The following CDH13 variants were observed in gnomAD, a reference collection of about 807,000 sequenced individuals.
CDH13 encodes the protein cadherin 13.
CDH13 carries 24 observed loss-of-function variants against 63.8 expected under a neutral mutation model. The ratio of observed to expected loss-of-function variants is 0.38; its 90% CI spans 0.27 to 0.53. CDH13 has a LOEUF of 0.53. Ranked by LOEUF, CDH13 falls within the 20% of genes least tolerant of loss-of-function variation. CDH13 has a pLI of 0.85. For missense variants in CDH13, 1,049 were observed against 903.1 expected (o/e 1.16, Z -2.07); for synonymous variants, 503 against 355.3 (o/e 1.42, Z -4.67).
intron 1 of CDH13, among the ~76,000 whole-genome samples, chr16:82,692,974 G>T (rs1171520177): frequency 6.6e-6 from 1 of 152,156 alleles, no homozygotes. Flanking sequence ...TTTTACAAAA[G>T]ATTTTGCCTT....
intron 4 of CDH13, chr16:83,171,444 A>C: frequency 8.1e-7 from 1 of 1,238,490 alleles, no homozygotes. Flanking sequence ...CACAGATCCA[A>C]ACCATATCAA....
chr16:83,534,415 A>G (rs1025491058), intron 7 of CDH13, among the ~76,000 whole-genome samples: 7 of 152,192 alleles, frequency 4.6e-5, no homozygotes, highest in African/African-American at 1.7e-4. Context: ...GGCCGTTACA[A>G]GCATTAAATA....
intron 6 of CDH13, among the ~76,000 whole-genome samples, chr16:83,357,888 C>T (rs1171046612): frequency 1.3e-5 from 2 of 152,126 alleles, no homozygotes; most frequent in Non-Finnish European, 2.9e-5. Flanking sequence ...GGACATGGAG[C>T]TCGTTTTAAC....
chr16:83,321,237 C>A (rs959462870), intron 5 of CDH13, among the ~76,000 whole-genome samples: 6 of 152,170 alleles, frequency 3.9e-5, no homozygotes, highest in African/African-American at 1.2e-4. Context: ...GGTCAGATGG[C>A]CTGGAATTAG....
chr16:82,939,879 T>A (rs2042780067), intron 2 of CDH13, among the ~76,000 whole-genome samples: 2 of 152,182 alleles, frequency 1.3e-5, no homozygotes, highest in African/African-American at 4.8e-5. Flanking sequence ...ACGCTGCTGA[T>A]AAAGACATGC....
intron 7 of CDH13, among the ~76,000 whole-genome samples, chr16:83,504,943 A>G (rs1262931724): frequency 6.6e-6 from 1 of 152,172 alleles, no homozygotes; most frequent in Non-Finnish European, 1.5e-5. Context: ...AAAGCATCAA[A>G]ATTTCCTGCT....
In CDH13 at chr16:82,872,302, C is replaced by G. The variant is rs182142078; in HGVS notation, c.157+13829C>G. ...GAGCAGATTGCTTAATTAAGACTAT[C>G]AAATTCTAAGTGCTGCCATATGGCC... On this transcript the variant is annotated intron_variant, in intron 2 of 13. Transcript: ENST00000567109. Among the ~76,000 whole-genome samples the G allele has an allele frequency of 5.9e-5, 9 of 152,314 alleles. No homozygotes were observed. In the East Asian group the frequency reaches 1.7e-3, roughly 29 times the overall value.
intron 6 of CDH13, among the ~76,000 whole-genome samples, chr16:83,414,490 G>A (rs150280552): frequency 0.014 from 2,176 of 152,148 alleles, 23 homozygotes; most frequent in Middle Eastern, 0.048. Context: ...TTGACTCTAG[G>A]TACAGCATTG....
At chr16:83,461,158 C>G (rs2073171408) in intron 6 of CDH13, among the ~76,000 whole-genome samples, 1 of 151,896 alleles carries the variant, frequency 6.6e-6, no homozygotes, top group African/African-American at 2.4e-5. Flanking sequence ...GTTGACTGTA[C>G]TATTTATTAT....
intron 7 of CDH13, among the ~76,000 whole-genome samples, chr16:83,511,141 C>G (rs977472051): frequency 2.6e-5 from 4 of 152,146 alleles, no homozygotes; most frequent in African/African-American, 9.6e-5. Context: ...CACACATGCA[C>G]GCACATGCAC....
chr16:82,667,351 G>A (rs567252632), intron 1 of CDH13, among the ~76,000 whole-genome samples: 1 of 152,312 alleles, frequency 6.6e-6, no homozygotes, highest in South Asian at 2.1e-4. Flanking sequence ...TACTGAGCTG[G>A]CCATCCCCAA....
intron 7 of CDH13, among the ~76,000 whole-genome samples, chr16:83,601,667 C>T (rs1024480281): frequency 3.3e-5 from 5 of 152,142 alleles, no homozygotes; most frequent in African/African-American, 1.2e-4. Context: ...GCAATGCCTG[C>T]CTCATCAGAT....
intron 5 of CDH13, among the ~76,000 whole-genome samples, chr16:83,227,624 A>G (rs2039879884): frequency 6.6e-6 from 1 of 152,200 alleles, no homozygotes; most frequent in Non-Finnish European, 1.5e-5. Flanking sequence ...TGCTCTGGAT[A>G]TGAAATACGG....
At chr16:83,029,675 C>G (rs927969257) in intron 2 of CDH13, among the ~76,000 whole-genome samples, 8 of 152,090 alleles carry the variant, frequency 5.3e-5, no homozygotes, top group African/African-American at 1.9e-4. Flanking sequence ...TAAAACCAAT[C>G]TGTGGTATTA....
intron 5 of CDH13, among the ~76,000 whole-genome samples, chr16:83,250,671 T>C (rs17677772): frequency 0.096 from 14,659 of 152,020 alleles, 1,016 homozygotes; most frequent in Non-Finnish European, 0.14. Flanking sequence ...ATAAGGGAGA[T>C]AGGATTGTTT....
chr16:83,217,175 G>A (rs545801482), intron 4 of CDH13, among the ~76,000 whole-genome samples, 170 bp from the exon 5 acceptor site: 7 of 152,310 alleles, frequency 4.6e-5, no homozygotes, highest in South Asian at 4.1e-4. Flanking sequence ...GATGAAAGGC[G>A]TTAGGCAGTG....
chr16:83,689,702 C>T (rs907754468), intron 10 of CDH13, among the ~76,000 whole-genome samples: 5 of 152,262 alleles, frequency 3.3e-5, no homozygotes, highest in East Asian at 1.9e-4. Context: ...CTAGAAGATC[C>T]GACCTTATAT....
chr16:82,814,048 C>G (rs924542849), intron 1 of CDH13, among the ~76,000 whole-genome samples: 2 of 152,104 alleles, frequency 1.3e-5, no homozygotes, highest in Non-Finnish European at 2.9e-5. Flanking sequence ...ACAAAATGGT[C>G]TTGACCCTGA....
intron 4 of CDH13, among the ~76,000 whole-genome samples, chr16:83,213,349 T>A (rs2039392532): frequency 6.6e-6 from 1 of 152,182 alleles, no homozygotes; most frequent in Admixed American, 6.5e-5. Context: ...TTCAGCTTTC[T>A]GTGCCGAGTG....
Sources: gnomAD v4.1 joint callset for allele counts (sites outside exome capture counted in the v4.1 genomes callset) on GRCh38, gnomAD v4.1.1 for gene constraint, MANE v1.5 for transcripts, NCBI Gene and HGNC (gene_info 2026-07-23, HGNC 2026-07-21) for gene names.